Variants in ARHGEF33 observed in about 807,000 individuals in gnomAD.
The protein encoded by ARHGEF33 is DH and coiled-coil domain-containing protein ENSP00000381780.
Under a neutral mutation model 101.9 loss-of-function variants are expected in ARHGEF33, and 72 were observed. The ratio of observed to expected loss-of-function variants is 0.71; its 90% CI spans 0.58 to 0.86. ARHGEF33 has a LOEUF of 0.86. Ranked by LOEUF, ARHGEF33 falls within the 40% of genes least tolerant of loss-of-function variation. The pLI, the probability that ARHGEF33 is intolerant of heterozygous loss-of-function variation, is 0.00. For synonymous variants in ARHGEF33, 499 were observed against 442.5 expected, an observed-to-expected ratio of 1.13 and a Z score of -1.60; for missense variants, 1,169 against 1,111.3, an observed-to-expected ratio of 1.05 and a Z score of -0.74.
chr2:38,918,589 G>A lies in ARHGEF33; in HGVS notation c.-85-774G>A, dbSNP rs1008020526. On this transcript the variant is annotated intron_variant, in intron 2 of 17. Coordinates refer to ENST00000409978, the MANE Select transcript of ARHGEF33 (RefSeq NM_001145451.5). ...TGACCTTGCAGCTTCATGTCTAATG[G>A]TCGTGTCAGACACAGCACATTTGCT... Among the ~76,000 whole-genome samples the A allele has an allele frequency of 3.3e-5, 5 of 152,148 alleles. No individual in the cohort carries two copies. In the South Asian group the frequency reaches 1.0e-3, roughly 32 times the overall value.
intron 16 of ARHGEF33, 78 bp from the exon 17 acceptor site, chr2:38,965,928 C>T (rs2124429845): frequency 6.6e-7 from 1 of 1,507,194 alleles, no homozygotes; most frequent in Non-Finnish European, 8.9e-7. Flanking sequence ...GTCACAACAC[C>T]ACAAAATTGT....
intron 2 of ARHGEF33, among the ~76,000 whole-genome samples, chr2:38,916,143 A>G (rs978045810): frequency 6.6e-6 from 1 of 152,208 alleles, no homozygotes; most frequent in Non-Finnish European, 1.5e-5. Flanking sequence ...CATTTTACCT[A>G]TGATATATGG....
In ARHGEF33 at chr2:38,973,901, T is replaced by C; in HGVS notation, c.*58T>C. ...GATGAGGATAAAAAGCTTGTATATATCTGTGTAGGAATATATATATATATC... is the reference window on the plus strand; with the variant it reads ...GATGAGGATAAAAAGCTTGTATATACCTGTGTAGGAATATATATATATATC... On this transcript the variant is annotated 3_prime_UTR_variant, in exon 18 of 18. Transcript: ENST00000409978. 1 of 1,365,680 alleles carries C rather than the reference T, an allele frequency of 7.3e-7. No homozygotes were observed. The highest frequency in any genetic ancestry group is 9.8e-7 in the Non-Finnish European group (1 of 1,024,884). The allele number at this position is 1,365,680 out of a possible 1,614,324, so 84.6% of individuals were successfully genotyped here. A position where few individuals can be genotyped will look rare whatever the true frequency, so the allele number is the denominator to read the frequency against.
rs6755527 is a variant in ARHGEF33 at position 38,960,049 on chromosome 2, T to C, written c.1744T>C (p.Ser582Pro). Reference protein sequence around the residue: ...LQAIPEMDFESSPAEPLGNVE... With the variant: ...LQAIPEMDFEPSPAEPLGNVE... The stretch of plus-strand genomic sequence containing the variant: ...GGCCATCCCGGAGATGGACTTCGAG[T>C]CCTCTCCGGCGGAGCCGCTGGGCAA... The change falls in exon 16 of 18, where the codon TCC (serine) becomes CCC (proline). Residue 582 changes from serine to proline, a missense_variant. Coordinates refer to ENST00000409978, the MANE Select transcript of ARHGEF33 (RefSeq NM_001145451.5). 0.93 allele frequency: 1,438,770 copies of C among 1,543,824 alleles called. 671,131 individuals carry two copies. The highest frequency in any genetic ancestry group is 0.97 in the African/African-American group (71,043 of 73,014).
chr2:38,943,799 T>C (rs894825883), intron 9 of ARHGEF33, 102 bp from the exon 10 acceptor site: 3 of 1,270,652 alleles, frequency 2.4e-6, no homozygotes, highest in Non-Finnish European at 3.2e-6. Context: ...TGGTTTTTTT[T>C]TTATTGCTTT....
At chr2:38,906,267 A>C (rs921420350) in intron 2 of ARHGEF33, among the ~76,000 whole-genome samples, 24 of 152,066 alleles carry the variant, frequency 1.6e-4, no homozygotes, top group Non-Finnish European at 2.9e-4. Context: ...AGAAGTATGT[A>C]ATTCAGTTTG....
chr2:38,967,065 C>T (rs1225925356), intron 17 of ARHGEF33, among the ~76,000 whole-genome samples: 1 of 152,196 alleles, frequency 6.6e-6, no homozygotes, highest in Admixed American at 6.5e-5. Flanking sequence ...TAAACAGAGG[C>T]ATTATTGCTG....
At chr2:38,896,164 A>G (rs1666118494) in intron 2 of ARHGEF33, among the ~76,000 whole-genome samples, 1 of 152,202 alleles carries the variant, frequency 6.6e-6, no homozygotes, top group Non-Finnish European at 1.5e-5. Flanking sequence ...TTGTTTTGAG[A>G]TAGAGTCTTG....
At chr2:38,938,279 T>G (rs1667206358) in intron 9 of ARHGEF33, among the ~76,000 whole-genome samples, 1 of 152,152 alleles carries the variant, frequency 6.6e-6, no homozygotes, top group South Asian at 2.1e-4. Context: ...TTCACACTTG[T>G]AATCCCAGCA....
chr2:38,917,109 T>TTTTTTTTTTTTTTTTTA (rs1553341360), intron 2 of ARHGEF33, among the ~76,000 whole-genome samples: 2 of 149,226 alleles, frequency 1.3e-5, no homozygotes, highest in African/African-American at 2.5e-5. Context: ...CTTCTTTTTT[T>TTTTTTTTTTTTTTTTTA]GAGACGGAGT....
chr2:38,960,099 G>A lies in ARHGEF33; in HGVS notation c.1794G>A (p.Pro598=). 1.9e-6 allele frequency: 3 copies of A among 1,542,016 alleles called. No homozygotes were observed. The highest frequency in any genetic ancestry group is 2.6e-6 in the Non-Finnish European group (3 of 1,144,906). ...LGNVERSLRA[P]AELLPDARGF... ...ACGTGGAGCGCTCCCTGCGCGCCCC[G>A]GCCGAGCTCCTGCCCGATGCCCGCG... Residue 598 remains proline (P), a synonymous_variant, in exon 16 of 18, where the codon CCG becomes CCA. Transcript: ENST00000409978.
chr2:38,901,281 G>A (rs1476975859), intron 2 of ARHGEF33, among the ~76,000 whole-genome samples: 2 of 152,006 alleles, frequency 1.3e-5, no homozygotes, highest in Non-Finnish European at 2.9e-5. Context: ...CACATTTCTG[G>A]GGATGTTTTA....
At position 38,916,948 on chromosome 2, in the gene ARHGEF33, G is replaced by T. The variant is rs536590548; in HGVS notation, c.-85-2415G>T. On this transcript the variant is annotated intron_variant, in intron 2 of 17. Transcript: ENST00000409978. ...CCTGAGTAGCTGGGATTACAGGCAT[G>T]CGCCACCACGCCCGATTAATTTTGT... Among the ~76,000 whole-genome samples, 4 of 149,024 alleles carry T rather than the reference G, an allele frequency of 2.7e-5. No individual in the cohort carries two copies. In the South Asian group the frequency reaches 8.6e-4, roughly 32 times the overall value.
intron 9 of ARHGEF33, among the ~76,000 whole-genome samples, chr2:38,938,178 G>T (rs1318607508): frequency 1.1e-4 from 16 of 152,064 alleles, no homozygotes; most frequent in Admixed American, 9.8e-4. Flanking sequence ...CTTTTCGGGG[G>T]CATGGGGGAG....
intron 4 of ARHGEF33, among the ~76,000 whole-genome samples, chr2:38,927,499 C>G (rs754356505): frequency 3.3e-5 from 5 of 152,154 alleles, no homozygotes; most frequent in Non-Finnish European, 5.9e-5. Context: ...AGATCAAGAC[C>G]AGCCTGACCA....
chr2:38,911,801 A>G (rs532815143), intron 2 of ARHGEF33, among the ~76,000 whole-genome samples: 2 of 152,274 alleles, frequency 1.3e-5, no homozygotes, highest in African/African-American at 4.8e-5. Context: ...GCTTGAGCCC[A>G]GGAGGTTGAG....
chr2:38,911,714 A>G (rs1666513617), intron 2 of ARHGEF33, among the ~76,000 whole-genome samples: 1 of 152,192 alleles, frequency 6.6e-6, no homozygotes, highest in African/African-American at 2.4e-5. Context: ...CTGATCTTCA[A>G]AGGAAATCCT....
rs970433521 is a variant in ARHGEF33, at chr2:38,952,400, T to A, written c.1054-762T>A. 7.2e-5 allele frequency among the ~76,000 whole-genome samples: 11 copies of A among 152,306 alleles called. No homozygotes were observed. In the East Asian group the frequency reaches 1.5e-3, roughly 21 times the overall value. ...TAAGGGGATAATGCATAGATAAATATGTAATTAGTGGAAATATGCAATTAC... is the reference window on the plus strand; with the variant it reads ...TAAGGGGATAATGCATAGATAAATAAGTAATTAGTGGAAATATGCAATTAC... On this transcript the variant is annotated intron_variant, in intron 11 of 17. Coordinates refer to ENST00000409978, the MANE Select transcript of ARHGEF33 (RefSeq NM_001145451.5).
At chr2:38,973,606 C>G (rs1668213075) in intron 17 of ARHGEF33, 108 bp from the exon 18 acceptor site, 2 of 1,255,894 alleles carry the variant, frequency 1.6e-6, no homozygotes, top group Non-Finnish European at 2.1e-6. Context: ...TATTCCAGTT[C>G]TAGGAAGCAA....
Sources: gnomAD v4.1 joint callset for allele counts (sites outside exome capture counted in the v4.1 genomes callset) on GRCh38, gnomAD v4.1.1 for gene constraint, MANE v1.5 for transcripts, NCBI Gene and HGNC (gene_info 2026-07-23, HGNC 2026-07-21) for gene names.